DLGAP1: variants seen among roughly 807,000 people sequenced by gnomAD.
DLGAP1 encodes the protein DLG associated protein 1.
In DLGAP1, 11 loss-of-function variants were observed where a neutral mutation model predicts 90.8. The observed-to-expected ratio is 0.12, with a 90% CI of 0.08 to 0.20. The LOEUF (loss-of-function observed/expected upper bound fraction) is 0.20. Ranked by LOEUF, DLGAP1 falls within the 10% of genes least tolerant of loss-of-function variation. The pLI is 1.00. For missense variants in DLGAP1, 1,050 were observed against 1,333.8 expected, an observed-to-expected ratio of 0.79 and a Z score of 3.31; for synonymous variants, 558 against 540.7, an observed-to-expected ratio of 1.03 and a Z score of -0.44.
At chr18:4,417,377 T>C (rs2082923869) in intron 1 of DLGAP1, among the ~76,000 whole-genome samples, 1 of 152,154 alleles carries the variant, frequency 6.6e-6, no homozygotes, top group African/African-American at 2.4e-5. Context: ...TTGATAAATA[T>C]TTTAAAATAT....
chr18:3,639,956 G>A (rs1567880863), intron 7 of DLGAP1, among the ~76,000 whole-genome samples: 1 of 150,846 alleles, frequency 6.6e-6, no homozygotes, highest in African/African-American at 2.4e-5. Flanking sequence ...GGGTTTCACC[G>A]TGTTAGCCAG....
chr18:3,989,054 G>C (rs1209903741), intron 3 of DLGAP1, among the ~76,000 whole-genome samples: 5 of 152,126 alleles, frequency 3.3e-5, no homozygotes, highest in African/African-American at 1.2e-4. Context: ...CTGCACTTCC[G>C]AGGCAATGGG....
intron 4 of DLGAP1, among the ~76,000 whole-genome samples, chr18:3,858,488 A>ATG (rs1296432574): frequency 1.3e-5 from 2 of 149,580 alleles, no homozygotes; most frequent in African/African-American, 4.9e-5. Flanking sequence ...ATATATATAT[A>ATG]TACGTGTATA....
chr18:4,382,985 T>C (rs2082160503), intron 1 of DLGAP1, among the ~76,000 whole-genome samples: 1 of 152,122 alleles, frequency 6.6e-6, no homozygotes, highest in African/African-American at 2.4e-5. Flanking sequence ...GGCCAGCCAG[T>C]ATATCAGTAA....
At chr18:4,008,400 A>C (rs917701221) in intron 2 of DLGAP1, among the ~76,000 whole-genome samples, 1 of 152,168 alleles carries the variant, frequency 6.6e-6, no homozygotes, top group Admixed American at 6.5e-5. Context: ...CTATTTTCGC[A>C]AGGTATTTGT....
At chr18:4,306,452 TGTGTGTGTGTGA>T (rs150913246) in intron 1 of DLGAP1, among the ~76,000 whole-genome samples, 20,814 of 134,096 alleles carry the variant, frequency 0.16, 1,683 homozygotes, top group African/African-American at 0.27. Context: ...TGTGTGTGTG[TGTGTGTGTGTGA>T]GAGAGAGAGA....
At chr18:4,221,269 A>C (rs1167322275) in intron 1 of DLGAP1, among the ~76,000 whole-genome samples, 2 of 152,120 alleles carry the variant, frequency 1.3e-5, no homozygotes, top group Admixed American at 1.3e-4. Flanking sequence ...GTTATAATTA[A>C]ACATTATCAA....
At chr18:3,591,076 T>C (rs189966270) in intron 7 of DLGAP1, among the ~76,000 whole-genome samples, 34 of 152,230 alleles carry the variant, frequency 2.2e-4, no homozygotes, top group African/African-American at 8.2e-4. Flanking sequence ...CTGCAGCAGA[T>C]TGAGGGCAAA....
rs371787654 is a variant in DLGAP1, at chr18:4,341,600, G to T, written c.-267+113406C>A. ...CTAAGAGTATACTCAGACATTTGGG[G>T]TTTCTTTTATGTCTCCCGCTTCTAC... On this transcript the variant is annotated intron_variant, in intron 1 of 12. Transcript: ENST00000315677. Among the ~76,000 whole-genome samples the T allele has an allele frequency of 3.0e-4, 45 of 152,108 alleles. No individual in the cohort carries two copies. The South Asian group carries it at 9.1e-3, about 31-fold the overall frequency.
At chr18:4,082,683 G>A (rs1361495168) in intron 2 of DLGAP1, among the ~76,000 whole-genome samples, 1 of 151,662 alleles carries the variant, frequency 6.6e-6, no homozygotes, top group Admixed American at 6.6e-5. Flanking sequence ...AGGATGAAGG[G>A]GAAGTTTTCC....
At chr18:4,048,965 A>G (rs1044004557) in intron 2 of DLGAP1, among the ~76,000 whole-genome samples, 1 of 152,152 alleles carries the variant, frequency 6.6e-6, no homozygotes, top group Non-Finnish European at 1.5e-5. Context: ...AGTGGTGCAC[A>G]CCTGTAATCC....
At chr18:4,191,966 A>G (rs1417819508) in intron 1 of DLGAP1, among the ~76,000 whole-genome samples, 1 of 152,180 alleles carries the variant, frequency 6.6e-6, no homozygotes, top group Non-Finnish European at 1.5e-5. Flanking sequence ...TTCTTAAATA[A>G]CTAAACTAAC....
chr18:3,943,646 TA>T (rs1568312299), intron 3 of DLGAP1, among the ~76,000 whole-genome samples: 24 of 152,246 alleles, frequency 1.6e-4, no homozygotes, highest in African/African-American at 5.3e-4. Flanking sequence ...CAAATTAAAA[TA>T]AAACAGCCTA....
chr18:3,580,415 C>T (rs2055422523), intron 8 of DLGAP1: 1 of 1,613,684 alleles, frequency 6.2e-7, no homozygotes, highest in East Asian at 2.2e-5. Flanking sequence ...CTCCACAGCC[C>T]AATGTCTCCT....
intron 3 of DLGAP1, among the ~76,000 whole-genome samples, chr18:3,980,283 G>T (rs2073697630): frequency 6.6e-6 from 1 of 152,144 alleles, no homozygotes; most frequent in African/African-American, 2.4e-5. Flanking sequence ...AGAACCTACG[G>T]CCTCAAGTGA....
chr18:4,056,449 T>C (rs1458127304), intron 2 of DLGAP1, among the ~76,000 whole-genome samples: 1 of 152,218 alleles, frequency 6.6e-6, no homozygotes, highest in Non-Finnish European at 1.5e-5. Flanking sequence ...CAGACAGTTA[T>C]GATCCCACAG....
intron 7 of DLGAP1, among the ~76,000 whole-genome samples, chr18:3,689,138 T>C (rs564790446): frequency 6.6e-6 from 1 of 152,342 alleles, no homozygotes; most frequent in Non-Finnish European, 1.5e-5. Context: ...AAAATAATAT[T>C]TGAAGAAGAT....
intron 5 of DLGAP1, among the ~76,000 whole-genome samples, chr18:3,760,530 T>C (rs1011107456): frequency 3.3e-5 from 5 of 152,138 alleles, no homozygotes; most frequent in African/African-American, 7.2e-5. Flanking sequence ...ACAGAAAGAA[T>C]TGTTTCCAAA....
rs185035248 is a variant in DLGAP1, at chr18:3,509,790, T to G, written c.2480-1129A>C. Reference sequence around the variant, plus strand: ...GAAACTCCATTCTGGCCCAGGGTTTTCTAGCAATTTGCTCCTTTATTTGTT... The same window carrying G: ...GAAACTCCATTCTGGCCCAGGGTTTGCTAGCAATTTGCTCCTTTATTTGTT... On this transcript the variant is annotated intron_variant, in intron 10 of 12. Coordinates refer to ENST00000315677, the MANE Select transcript of DLGAP1 (RefSeq NM_004746.4). 1.8e-3 allele frequency among the ~76,000 whole-genome samples: 277 copies of G among 152,358 alleles called. 2 individuals are homozygous for G. Among genetic ancestry groups the G allele is most frequent in the Non-Finnish European group, 2.4e-3 (163 of 68,026 alleles).
Sources: allele counts gnomAD v4.1 joint callset (sites outside exome capture counted in the v4.1 genomes callset), GRCh38; gene constraint gnomAD v4.1.1; transcripts MANE v1.5; gene names NCBI Gene and HGNC (gene_info 2026-07-23, HGNC 2026-07-21).